The following MYZAP variants were observed in gnomAD, a reference collection of about 807,000 sequenced individuals.
MYZAP encodes the protein myocardial zonula adherens protein.
A neutral mutation model predicts 69.4 loss-of-function variants in MYZAP; 66 were observed. That is an observed-to-expected ratio of 0.95 (90% CI 0.78 to 1.17). MYZAP has a LOEUF of 1.17. Ranked by LOEUF, MYZAP falls within the 50% of genes most tolerant of loss-of-function variation. MYZAP has a pLI of 0.00. For missense variants in MYZAP, 611 were observed against 556.2 expected (o/e 1.10, Z -0.99); for synonymous variants, 256 against 205.9 (o/e 1.24, Z -2.09).
chr15:57,598,018 A>G (rs1007421516), intron 1 of MYZAP, among the ~76,000 whole-genome samples: 2 of 152,188 alleles, frequency 1.3e-5, no homozygotes, highest in Non-Finnish European at 2.9e-5. Flanking sequence ...CACTTGGCTA[A>G]TTTCCTTAGG....
At chr15:57,630,427 C>G (rs1338505596) in intron 6 of MYZAP, among the ~76,000 whole-genome samples, 1 of 152,220 alleles carries the variant, frequency 6.6e-6, no homozygotes, top group East Asian at 1.9e-4. Flanking sequence ...CCTTGGAGAT[C>G]TCTTCCTTCA....
Position 57,618,095 on chromosome 15 carries a change from G to A in MYZAP, c.225G>A (p.Val75=). 1 of 1,614,210 alleles carries A rather than the reference G, an allele frequency of 6.2e-7. No individual in the cohort carries two copies. Among genetic ancestry groups the A allele is most frequent in the Non-Finnish European group, 8.5e-7 (1 of 1,180,032 alleles). Residue 75 remains valine (V), a synonymous_variant, in exon 3 of 13, where the codon GTG becomes GTA. Transcript: ENST00000267853. ...TTCCTCAGGGTGTTGTTTATGGTGTGGTGCGAAGATCAGATCAAAATCAGC... is the reference window on the plus strand; with the variant it reads ...TTCCTCAGGGTGTTGTTTATGGTGTAGTGCGAAGATCAGATCAAAATCAGC... The part of the protein sequence containing the change: ...RKLPQGVVYG[V]VRRSDQNQQK...
intron 7 of MYZAP, 63 bp downstream of exon 7, chr15:57,632,622 A>T (rs777972067): frequency 9.0e-5 from 144 of 1,602,074 alleles, no homozygotes; most frequent in Non-Finnish European, 1.1e-4. Flanking sequence ...ATTGTTGGTG[A>T]TGTATACGTA....
intron 2 of MYZAP, among the ~76,000 whole-genome samples, chr15:57,617,116 G>C (rs572901538): frequency 2.0e-5 from 3 of 152,030 alleles, no homozygotes; most frequent in Admixed American, 1.3e-4. Context: ...GGTGCTTAAT[G>C]TCAGACAGAA....
intron 11 of MYZAP, among the ~76,000 whole-genome samples, chr15:57,664,570 C>G (rs2038478132): frequency 6.6e-6 from 1 of 152,178 alleles, no homozygotes; most frequent in South Asian, 2.1e-4. Context: ...GCTAAGCAGT[C>G]CTTCTCCAGG....
Position 57,604,259 on chromosome 15 carries a change from T to C in MYZAP, c.76-10T>C. The C allele has an allele frequency of 6.2e-7, 1 of 1,613,854 alleles. No homozygotes were observed. The highest frequency in any genetic ancestry group is 2.2e-5 in the East Asian group (1 of 44,866). On this transcript the variant is annotated splice_polypyrimidine_tract_variant and intron_variant, in intron 1 of 12. Coordinates refer to ENST00000267853, the MANE Select transcript of MYZAP (RefSeq NM_001018100.5). ...ACTCCTAACTGGCCTCTCCTTTCCC[T>C]CTCTTCTAGGCAAATGTTTGCAGAC...
intron 11 of MYZAP, 138 bp downstream of exon 11, chr15:57,661,671 T>G: frequency 1.4e-6 from 1 of 733,136 alleles, no homozygotes; most frequent in Non-Finnish European, 2.1e-6. Flanking sequence ...GTGCCAGCCT[T>G]GAAAATGAGG....
At chr15:57,642,156 G>A (rs1397017316) in intron 10 of MYZAP, among the ~76,000 whole-genome samples, 1 of 152,194 alleles carries the variant, frequency 6.6e-6, no homozygotes, top group African/African-American at 2.4e-5. Flanking sequence ...AGTTGATTTA[G>A]AAGTTCTCTA....
intron 10 of MYZAP, among the ~76,000 whole-genome samples, chr15:57,642,309 T>G (rs1306243800): frequency 6.6e-6 from 1 of 152,246 alleles, no homozygotes; most frequent in African/African-American, 2.4e-5. Flanking sequence ...GCCTTATCAT[T>G]ATGTTGCATA....
chr15:57,635,353 T>G (rs556314939), intron 8 of MYZAP, among the ~76,000 whole-genome samples: 1 of 152,220 alleles, frequency 6.6e-6, no homozygotes, highest in Non-Finnish European at 1.5e-5. Context: ...CGAGGTTGCC[T>G]AAATGTCTAC....
chr15:57,681,464 A>G (rs2039437490), intron 12 of MYZAP, among the ~76,000 whole-genome samples: 1 of 152,228 alleles, frequency 6.6e-6, no homozygotes, highest in Non-Finnish European at 1.5e-5. Flanking sequence ...CAGTGGACAC[A>G]AATGTGTAGA....
At chr15:57,599,589 T>C (rs2034283762) in intron 1 of MYZAP, 3 of 1,288,416 alleles carry the variant, frequency 2.3e-6, no homozygotes, top group Non-Finnish European at 3.0e-6. Context: ...TGGGAACCCC[T>C]GGGAATAAAG....
At position 57,591,991 on chromosome 15, in the gene MYZAP, G is replaced by A. The variant is rs1475208337; in HGVS notation, c.-44G>A. On this transcript the variant is annotated 5_prime_UTR_variant, in exon 1 of 13. Coordinates refer to ENST00000267853, the MANE Select transcript of MYZAP (RefSeq NM_001018100.5). Reference sequence around the variant, plus strand: ...GGGCCCCGCACGCTTATTCTGCCCGGGAGGAACGCCGGCGTCCAGCCCGCT... The same window carrying A: ...GGGCCCCGCACGCTTATTCTGCCCGAGAGGAACGCCGGCGTCCAGCCCGCT... 7.1e-7 allele frequency: 1 copy of A among 1,408,096 alleles called. No individual in the cohort carries two copies. The highest frequency in any genetic ancestry group is 1.5e-5 in the South Asian group (1 of 67,048). The allele number at this position is 1,408,096 out of a possible 1,614,324, so 87.2% of individuals were successfully genotyped here. A position where few individuals can be genotyped will look rare whatever the true frequency, so the allele number is the denominator to read the frequency against.
chr15:57,615,091 T>C (rs974684741), intron 2 of MYZAP, among the ~76,000 whole-genome samples: 12 of 152,112 alleles, frequency 7.9e-5, no homozygotes, highest in Non-Finnish European at 1.6e-4. Flanking sequence ...GGCCGTGCCC[T>C]TCCTGGGGGC....
At chr15:57,625,726 G>A (rs1269448286) in intron 4 of MYZAP, 53 bp from the exon 5 acceptor site, 1 of 1,542,390 alleles carries the variant, frequency 6.5e-7, no homozygotes. Flanking sequence ...ACTGAAGATT[G>A]TCGTGAACGT....
Position 57,674,996 on chromosome 15 carries a change from A to G in MYZAP, c.1232A>G (p.Tyr411Cys), listed in dbSNP as rs140452448. Residue 411 changes from tyrosine to cysteine, a missense_variant, in exon 12 of 13, where the codon TAT becomes TGT. By Grantham distance (194) the Tyr-to-Cys change is radical. Transcript: ENST00000267853. The stretch of plus-strand genomic sequence containing the variant: ...AATGAACTACAAAGCAGGTTGGACT[A>G]TTTAACAGAAACCCAGGCCAAGACC... ...ENNELQSRLD[Y>C]LTETQAKTEV... 2.4e-5 allele frequency: 38 copies of G among 1,613,610 alleles called. No individual in the cohort carries two copies. In the South Asian group the frequency reaches 3.6e-4, roughly 15 times the overall value.
intron 12 of MYZAP, among the ~76,000 whole-genome samples, chr15:57,676,536 GAA>G (rs1204205878): frequency 6.7e-6 from 1 of 149,606 alleles, no homozygotes; most frequent in Non-Finnish European, 1.5e-5. Flanking sequence ...TAACCAAAAA[GAA>G]CGATCAATTG....
In MYZAP at chr15:57,604,266, T is replaced by C; in HGVS notation, c.76-3T>C. ...ACTGGCCTCTCCTTTCCCTCTCTTC[T>C]AGGCAAATGTTTGCAGACTACGGCT... On this transcript the variant is annotated splice_polypyrimidine_tract_variant and splice_region_variant and intron_variant, in intron 1 of 12. Transcript: ENST00000267853. The C allele has an allele frequency of 1.2e-6, 2 of 1,614,102 alleles. No homozygotes were observed. The highest frequency in any genetic ancestry group is 1.7e-6 in the Non-Finnish European group (2 of 1,180,010).
At chr15:57,648,125 T>A (rs1483138140) in intron 10 of MYZAP, 1 of 979,702 alleles carries the variant, frequency 1.0e-6, no homozygotes, top group African/African-American at 1.8e-5. Flanking sequence ...TCCTTATTTA[T>A]TTTAAAATCT....
Sources: gnomAD v4.1 joint callset for allele counts (sites outside exome capture counted in the v4.1 genomes callset) on GRCh38, gnomAD v4.1.1 for gene constraint, MANE v1.5 for transcripts, NCBI Gene and HGNC (gene_info 2026-07-23, HGNC 2026-07-21) for gene names.